The following OTOA variants were observed in gnomAD, a reference collection of about 807,000 sequenced individuals.
OTOA encodes cancer/testis antigen 108.
A neutral mutation model predicts 110.8 loss-of-function variants in OTOA; 70 were observed. The ratio of observed to expected loss-of-function variants is 0.63; its 90% CI spans 0.52 to 0.77. The LOEUF (loss-of-function observed/expected upper bound fraction) is 0.77. Ranked by LOEUF, OTOA falls within the 30% of genes least tolerant of loss-of-function variation. The pLI is 0.00. For synonymous variants in OTOA, 373 were observed against 431.5 expected, an observed-to-expected ratio of 0.86 and a Z score of 1.68; for missense variants, 917 against 1,075.8, an observed-to-expected ratio of 0.85 and a Z score of 2.06.
intron 6 of OTOA, among the ~76,000 whole-genome samples, chr16:21,683,487 G>A (rs137980040): frequency 7.9e-5 from 12 of 152,180 alleles, no homozygotes; most frequent in Middle Eastern, 3.4e-3. Flanking sequence ...GATACCAGGA[G>A]TTGGAGACAA....
At chr16:21,715,243 C>T (rs961259518) in intron 14 of OTOA, 91 bp downstream of exon 14, 28 of 1,553,214 alleles carry the variant, frequency 1.8e-5, no homozygotes, top group Non-Finnish European at 2.5e-5. Context: ...GCCATGAACC[C>T]AGGGCTGGGA....
At chr16:21,666,283 T>C (rs1451627689) in intron 1 of OTOA, among the ~76,000 whole-genome samples, 1 of 145,150 alleles carries the variant, frequency 6.9e-6, no homozygotes, top group Non-Finnish European at 1.5e-5. Context: ...TCCCAGCTAG[T>C]GTCAGTATGC....
intron 6 of OTOA, chr16:21,684,566 TG>T: frequency 6.5e-7 from 1 of 1,543,338 alleles, no homozygotes. Flanking sequence ...GGCCATGGAA[TG>T]GGGGAATCGG....
intron 21 of OTOA, among the ~76,000 whole-genome samples, chr16:21,732,213 G>A (rs1156494861): frequency 3.3e-5 from 5 of 152,318 alleles, no homozygotes; most frequent in African/African-American, 7.2e-5. Flanking sequence ...TGATCTGCCC[G>A]CCTCGGCCTC....
intron 12 of OTOA, among the ~76,000 whole-genome samples, chr16:21,708,703 C>T (rs1290752760): frequency 6.6e-6 from 1 of 152,104 alleles, no homozygotes; most frequent in Non-Finnish European, 1.5e-5. Flanking sequence ...CACTCTGCTG[C>T]CCCCCAGTGG....
chr16:21,687,588 T>G lies in OTOA; in HGVS notation c.575T>G (p.Leu192Arg), dbSNP rs772386202. Reference protein sequence around the residue: ...KVLRGSSGSFLQPDITERLPR... With the variant: ...KVLRGSSGSFRQPDITERLPR... Reference sequence around the variant, plus strand: ...CTGAGGGGGTCCTCAGGGAGCTTTCTCCAGCCAGACATCACAGAGCGGCTC... The same window carrying G: ...CTGAGGGGGTCCTCAGGGAGCTTTCGCCAGCCAGACATCACAGAGCGGCTC... The change falls in exon 8 of 29, where the codon CTC becomes CGC. Residue 192 changes from leucine (L) to arginine (R), a missense_variant. Physicochemically the swap from Leu to Arg is moderately radical, Grantham distance 102. Around this residue, in one of 6 missense-constraint regions of OTOA, gnomAD observed 840 missense variants for 910.2 expected, o/e 0.92. Transcript: ENST00000646100. The G allele has an allele frequency of 1.9e-6, 3 of 1,613,550 alleles. No homozygotes were observed. The African/African-American group carries it at 4.0e-5, about 22-fold the overall frequency.
intron 6 of OTOA, among the ~76,000 whole-genome samples, chr16:21,683,945 T>A (rs1387632607): frequency 6.6e-6 from 1 of 151,632 alleles, no homozygotes; most frequent in Non-Finnish European, 1.5e-5. Flanking sequence ...ATTTGTGTAT[T>A]TTTAGTAGAG....
chr16:21,733,928 TA>T (rs1311441325), intron 21 of OTOA, among the ~76,000 whole-genome samples: 1 of 152,128 alleles, frequency 6.6e-6, no homozygotes, highest in African/African-American at 2.4e-5. Context: ...GCCTCCTGAG[TA>T]GCAGGGATTA....
chr16:21,686,001 C>T (rs1034321335), intron 7 of OTOA, among the ~76,000 whole-genome samples: 4 of 152,230 alleles, frequency 2.6e-5, no homozygotes, highest in Non-Finnish European at 2.9e-5. Flanking sequence ...AAGGAGCTCA[C>T]GGTCTGGAGG....
rs1371642303 is a variant in OTOA, at chr16:21,710,412, C to A, written c.1320+309C>A. Among the ~76,000 whole-genome samples, 3 of 152,110 alleles carry A rather than the reference C, an allele frequency of 2.0e-5. No homozygotes were observed. The East Asian group carries it at 5.8e-4, about 29-fold the overall frequency. On this transcript the variant is annotated intron_variant, in intron 13 of 28. Transcript: ENST00000646100. ...CCCATTGGATCAGGGCCCCACCTGA[C>A]CCTCATTATCTCATGACCTCATCTA...
chr16:21,704,228 G>A (rs1007432745), intron 11 of OTOA, among the ~76,000 whole-genome samples: 1 of 152,054 alleles, frequency 6.6e-6, no homozygotes, highest in African/African-American at 2.4e-5. Context: ...TGCATCATCT[G>A]GGTGGGTACC....
intron 14 of OTOA, among the ~76,000 whole-genome samples, chr16:21,716,013 G>A (rs1898542952): frequency 6.6e-6 from 1 of 151,848 alleles, no homozygotes; most frequent in South Asian, 2.1e-4. Context: ...GGGCTCAAGG[G>A]ATCCTCCCAC....
At chr16:21,725,315 C>A (rs1467740238) in intron 18 of OTOA, among the ~76,000 whole-genome samples, 1 of 152,044 alleles carries the variant, frequency 6.6e-6, no homozygotes, top group Non-Finnish European at 1.5e-5. Context: ...GACGGGGTCC[C>A]ATTCTGTCAC....
chr16:21,688,143 A>G (rs1897757502), intron 8 of OTOA, among the ~76,000 whole-genome samples: 1 of 151,948 alleles, frequency 6.6e-6, no homozygotes, highest in Admixed American at 6.6e-5. Flanking sequence ...TGATCCCAGC[A>G]CTTTGGGAAG....
At chr16:21,714,051 G>T (rs920246876) in intron 13 of OTOA, among the ~76,000 whole-genome samples, 1 of 152,044 alleles carries the variant, frequency 6.6e-6, no homozygotes, top group Admixed American at 6.6e-5. Context: ...TTTGAAGACA[G>T]CATGAGATCA....
In OTOA at chr16:21,694,174, C is replaced by T. The variant is rs1291968668; in HGVS notation, c.739+2487C>T. On this transcript the variant is annotated intron_variant, in intron 9 of 28. Transcript: ENST00000646100. ...GTAAAAAGCAGGCAGGGTGCAGTGGCTCATGCTTGTAATCCCAGCACTTTG... is the reference window on the plus strand; with the variant it reads ...GTAAAAAGCAGGCAGGGTGCAGTGGTTCATGCTTGTAATCCCAGCACTTTG... Among the ~76,000 whole-genome samples the T allele has an allele frequency of 5.3e-5, 8 of 152,126 alleles. No homozygotes were observed. The East Asian group carries it at 1.2e-3, about 22-fold the overall frequency.
At chr16:21,759,322 C>T (rs1325142413) in intron 28 of OTOA, among the ~76,000 whole-genome samples, 1 of 152,048 alleles carries the variant, frequency 6.6e-6, no homozygotes, top group African/African-American at 2.4e-5. Flanking sequence ...TTATTATACA[C>T]CTTATTCTGC....
chr16:21,670,276 C>G (rs1371120308), intron 1 of OTOA, among the ~76,000 whole-genome samples: 1 of 151,956 alleles, frequency 6.6e-6, no homozygotes, highest in Admixed American at 6.6e-5. Flanking sequence ...CTCTCCAACC[C>G]CATGTCCTAC....
chr16:21,714,405 CTT>C (rs2141696243), intron 13 of OTOA, among the ~76,000 whole-genome samples: 3 of 143,376 alleles, frequency 2.1e-5, no homozygotes, highest in Non-Finnish European at 3.0e-5. Flanking sequence ...CTTTCTCTTT[CTT>C]TCTCTTTCTT....
Sources: gnomAD v4.1 joint callset for allele counts (sites outside exome capture counted in the v4.1 genomes callset) on GRCh38, gnomAD v4.1.1 for gene constraint, gnomAD v4.1.1 regional missense constraint, MANE v1.5 for transcripts, NCBI Gene and HGNC (gene_info 2026-07-23, HGNC 2026-07-21) for gene names.